CACNA2D3: variants seen among roughly 807,000 people sequenced by gnomAD.
CACNA2D3 encodes calcium voltage-gated channel auxiliary subunit alpha2delta 3.
Under a neutral mutation model 160.6 loss-of-function variants are expected in CACNA2D3, and 60 were observed. The observed-to-expected ratio is 0.37, with a 90% confidence interval of 0.30 to 0.46. CACNA2D3 has a LOEUF of 0.46. CACNA2D3 is among the 20% of genes least tolerant of loss of function. CACNA2D3 has a pLI of 1.00. For missense variants in CACNA2D3, 1,205 were observed against 1,365.0 expected (o/e 0.88, Z 1.85); for synonymous variants, 558 against 492.9 (o/e 1.13, Z -1.75).
chr3:54,637,946 G>A (rs1043474154), intron 10 of CACNA2D3: 7 of 152,106 alleles, frequency 4.6e-5, no homozygotes, highest in Non-Finnish European at 8.8e-5. Context: ...TGTGTAGCAA[G>A]TTCCTGGGGG....
chr3:54,266,358 A>G (rs1266840952), intron 2 of CACNA2D3, among the ~76,000 whole-genome samples: 1 of 152,260 alleles, frequency 6.6e-6, no homozygotes, highest in Non-Finnish European at 1.5e-5. Flanking sequence ...AATAAGGTTA[A>G]GAGAAATATG....
chr3:54,338,443 T>G (rs1374440177), intron 3 of CACNA2D3, among the ~76,000 whole-genome samples: 1 of 149,432 alleles, frequency 6.7e-6, no homozygotes, highest in African/African-American at 2.5e-5. Flanking sequence ...TTCTTCTTTT[T>G]ATAGCTCTCT....
At position 54,403,482 on chromosome 3, in the gene CACNA2D3, T is replaced by G. The variant is rs533610177; in HGVS notation, c.381+16708T>G. Among the ~76,000 whole-genome samples, 3 of 152,106 alleles carry G rather than the reference T, an allele frequency of 2.0e-5. No individual in the cohort carries two copies. The South Asian group carries it at 6.2e-4, about 32-fold the overall frequency. The stretch of plus-strand genomic sequence containing the variant: ...CTATGGGATACAACAAAAGTGGTTC[T>G]GGAAGGGAAGTTCATAACTGTAAAT... On this transcript the variant is annotated intron_variant, in intron 4 of 37. Coordinates refer to ENST00000474759, the MANE Select transcript of CACNA2D3 (RefSeq NM_018398.3).
At chr3:55,000,169 T>C (rs1575429331) in intron 31 of CACNA2D3, among the ~76,000 whole-genome samples, 1 of 152,152 alleles carries the variant, frequency 6.6e-6, no homozygotes, top group East Asian at 1.9e-4. Flanking sequence ...TAGAGTCAAA[T>C]GAAAGCAGGC....
intron 21 of CACNA2D3, among the ~76,000 whole-genome samples, chr3:54,881,996 A>C (rs971032757): frequency 3.9e-5 from 6 of 152,308 alleles, no homozygotes; most frequent in African/African-American, 1.4e-4. Context: ...ATAGGGGCAG[A>C]AAGGAGAGTA....
At chr3:54,463,309 C>G (rs1305857772) in intron 4 of CACNA2D3, among the ~76,000 whole-genome samples, 1 of 152,134 alleles carries the variant, frequency 6.6e-6, no homozygotes, top group African/African-American at 2.4e-5. Context: ...TTTCCTGAAT[C>G]TGAATGTTGG....
At chr3:54,891,977 T>C (rs1233554648) in intron 25 of CACNA2D3, among the ~76,000 whole-genome samples, 1 of 152,160 alleles carries the variant, frequency 6.6e-6, no homozygotes, top group African/African-American at 2.4e-5. Flanking sequence ...TGACAGTGTC[T>C]CCTTGGACTT....
intron 27 of CACNA2D3, chr3:54,918,957 G>GC (rs1700751981): frequency 7.4e-7 from 1 of 1,350,996 alleles, no homozygotes; most frequent in Non-Finnish European, 9.7e-7. Flanking sequence ...AAAATCCTCT[G>GC]CCTGCAAAAA....
chr3:54,199,169 A>C (rs1701131710), intron 2 of CACNA2D3, among the ~76,000 whole-genome samples: 3 of 152,310 alleles, frequency 2.0e-5, no homozygotes, highest in Middle Eastern at 6.8e-3. Flanking sequence ...CATATACAAA[A>C]TATAGACTAA....
At position 54,224,749 on chromosome 3, in the gene CACNA2D3, C is replaced by G. The variant is rs143777905; in HGVS notation, c.205-95693C>G. ...AGATATTAAACTTTAAGATATTATT[C>G]TTATTTCATACAAAGTGTGTTTAGA... On this transcript the variant is annotated intron_variant, in intron 2 of 37. Transcript: ENST00000474759. 5.3e-3 allele frequency among the ~76,000 whole-genome samples: 802 copies of G among 152,056 alleles called. 5 individuals carry two copies. Among genetic ancestry groups the G allele is most frequent in the African/African-American group, 0.018 (741 of 41,474 alleles).
At chr3:54,689,158 T>C (rs1700524541) in intron 11 of CACNA2D3, among the ~76,000 whole-genome samples, 2 of 152,086 alleles carry the variant, frequency 1.3e-5, no homozygotes, top group African/African-American at 4.8e-5. Context: ...TCTGCTTCAC[T>C]TAGCAGCAGC....
At chr3:54,328,619 G>T (rs1471619455) in intron 3 of CACNA2D3, among the ~76,000 whole-genome samples, 2 of 152,184 alleles carry the variant, frequency 1.3e-5, no homozygotes, top group Admixed American at 1.3e-4. Flanking sequence ...GTTTGGCACA[G>T]TGGGTCCCTC....
At chr3:54,833,710 A>C (rs746698943) in intron 14 of CACNA2D3, among the ~76,000 whole-genome samples, 16 of 152,158 alleles carry the variant, frequency 1.1e-4, no homozygotes, top group Non-Finnish European at 2.2e-4. Context: ...TTCTCCATGA[A>C]ACGTTTAAGA....
intron 4 of CACNA2D3, among the ~76,000 whole-genome samples, chr3:54,468,399 C>A (rs1700666774): frequency 6.6e-6 from 1 of 152,184 alleles, no homozygotes; most frequent in East Asian, 1.9e-4. Context: ...TGCATTCCAG[C>A]CAGATACTAT....
intron 2 of CACNA2D3, among the ~76,000 whole-genome samples, chr3:54,284,076 A>G (rs1187080591): frequency 2.0e-5 from 3 of 152,166 alleles, no homozygotes; most frequent in Admixed American, 6.5e-5. Flanking sequence ...AACAAAAAAC[A>G]AAAACAAAAC....
intron 2 of CACNA2D3, among the ~76,000 whole-genome samples, chr3:54,226,902 T>G (rs1465334946): frequency 6.6e-6 from 1 of 152,234 alleles, no homozygotes; most frequent in Admixed American, 6.5e-5. Flanking sequence ...CTGTACTTGA[T>G]CTAGCTTTTC....
At chr3:54,445,987 G>A (rs190745179) in intron 4 of CACNA2D3, among the ~76,000 whole-genome samples, 1 of 152,284 alleles carries the variant, frequency 6.6e-6, no homozygotes, top group Admixed American at 6.5e-5. Context: ...TGTGGACTGA[G>A]TGGCCTGAAA....
At chr3:54,356,285 G>A (rs1698647787) in intron 3 of CACNA2D3, among the ~76,000 whole-genome samples, 1 of 152,208 alleles carries the variant, frequency 6.6e-6, no homozygotes, top group African/African-American at 2.4e-5. Context: ...CCCTCTCTGT[G>A]TGGGCTGCTG....
intron 11 of CACNA2D3, among the ~76,000 whole-genome samples, chr3:54,735,771 A>T (rs189307644): frequency 2.1e-4 from 32 of 151,948 alleles, no homozygotes; most frequent in African/African-American, 7.7e-4. Context: ...GATCCTCTGT[A>T]AATTTTTATT....
Sources: gnomAD v4.1 joint callset for allele counts (sites outside exome capture counted in the v4.1 genomes callset) on GRCh38, gnomAD v4.1.1 for gene constraint, MANE v1.5 for transcripts, NCBI Gene and HGNC (gene_info 2026-07-23, HGNC 2026-07-21) for gene names.